FAM193A: variants seen among roughly 807,000 people sequenced by gnomAD.
FAM193A encodes family with sequence similarity 193 member A, also known as protein FAM193A.
FAM193A carries 22 observed loss-of-function variants against 126.5 expected under a neutral mutation model. The observed-to-expected ratio is 0.17, with a 90% CI of 0.12 to 0.25. The LOEUF is 0.25. Ranked by LOEUF, FAM193A falls within the 10% of genes least tolerant of loss-of-function variation. The probability of loss-of-function intolerance (pLI) is 1.00; values close to 1 mark genes in which losing one functional copy is unlikely to be tolerated. For missense variants in FAM193A, 1,675 were observed against 1,672.8 expected (o/e 1.00, Z -0.02); for synonymous variants, 761 against 646.8 (o/e 1.18, Z -2.68).
chr4:2,587,588 A>C (rs930451858), intron 1 of FAM193A, among the ~76,000 whole-genome samples: 3 of 152,236 alleles, frequency 2.0e-5, no homozygotes, highest in Non-Finnish European at 4.4e-5. Context: ...GCTACTTGGC[A>C]GACTGAGGCA....
At position 2,731,727 on chromosome 4, in the gene FAM193A, G is replaced by A. The variant is rs4690051; in HGVS notation, c.4455-48G>A. On this transcript the variant is annotated intron_variant, in intron 20 of 20. Transcript: ENST00000637812. The stretch of plus-strand genomic sequence containing the variant: ...ATGGGCTTTGCCAAGCACCAGCTTG[G>A]TTGTGGGCTGTTTCCTTCAGTGACT... 7.7e-3 allele frequency: 11,174 copies of A among 1,449,200 alleles called. 806 individuals carry two copies. In the Admixed American group the frequency reaches 0.15, roughly 19 times the overall value. The allele number at this position is 1,449,200 out of a possible 1,614,324, so 89.8% of individuals were successfully genotyped here.
intron 1 of FAM193A, among the ~76,000 whole-genome samples, chr4:2,572,285 C>A (rs1193509940): frequency 6.7e-6 from 1 of 149,758 alleles, no homozygotes; most frequent in Non-Finnish European, 1.5e-5. Context: ...GCCAAGATCG[C>A]GCCACTGGAC....
chr4:2,708,442 T>C (rs1309563231), intron 19 of FAM193A, among the ~76,000 whole-genome samples: 15 of 151,898 alleles, frequency 9.9e-5, no homozygotes, highest in Non-Finnish European at 1.5e-5. Context: ...AACTTTATTT[T>C]TTTATTTTTT....
At chr4:2,731,473 A>T (rs539878982) in intron 20 of FAM193A, among the ~76,000 whole-genome samples, 4 of 151,980 alleles carry the variant, frequency 2.6e-5, no homozygotes, top group African/African-American at 9.7e-5. Context: ...GGTATGAGCC[A>T]CCACACCCTG....
intron 2 of FAM193A, 100 bp downstream of exon 2, chr4:2,596,429 G>A (rs1042631633): frequency 3.4e-5 from 22 of 642,018 alleles, no homozygotes; most frequent in Non-Finnish European, 5.9e-5. Context: ...TTTGCTTCAG[G>A]GGGCACTCCC....
intron 20 of FAM193A, among the ~76,000 whole-genome samples, chr4:2,717,590 T>C (rs1719682140): frequency 7.3e-6 from 1 of 136,140 alleles, no homozygotes; most frequent in South Asian, 2.6e-4. Flanking sequence ...AGAGAGACTT[T>C]GTCTCAGGAA....
intron 19 of FAM193A, among the ~76,000 whole-genome samples, chr4:2,712,336 A>G (rs1004584338): frequency 6.6e-6 from 1 of 151,922 alleles, no homozygotes; most frequent in African/African-American, 2.4e-5. Flanking sequence ...CTTATTATTA[A>G]TATGTTTCTG....
chr4:2,716,014 G>T lies in FAM193A; in HGVS notation c.4373-9G>T. 2.0e-6 allele frequency: 3 copies of T among 1,533,524 alleles called. No individual in the cohort carries two copies. The highest frequency in any genetic ancestry group is 2.7e-6 in the Non-Finnish European group (3 of 1,106,372). The allele number at this position is 1,533,524 out of a possible 1,614,324, so 95.0% of individuals were successfully genotyped here. A position where few individuals can be genotyped will look rare whatever the true frequency, so the allele number is the denominator to read the frequency against. On this transcript the variant is annotated splice_polypyrimidine_tract_variant and intron_variant, in intron 19 of 20. Coordinates refer to ENST00000637812, the MANE Select transcript of FAM193A (RefSeq NM_001366318.2). ...TAATTTGACTTGCTGCTTCTCTTTT[G>T]TTTTACAGATGATGTCTTTCTACCT...
chr4:2,549,339 T>C (rs1041071294), intron 1 of FAM193A, among the ~76,000 whole-genome samples: 1 of 151,686 alleles, frequency 6.6e-6, no homozygotes, highest in Admixed American at 6.6e-5. Context: ...ATTTCTAAGA[T>C]CTCCATTTTA....
chr4:2,620,596 C>T (rs892701646), intron 2 of FAM193A, among the ~76,000 whole-genome samples: 1 of 151,998 alleles, frequency 6.6e-6, no homozygotes, highest in African/African-American at 2.4e-5. Flanking sequence ...GCCTGTAATC[C>T]AGCACTCTGG....
At chr4:2,686,151 C>T (rs901269739) in intron 13 of FAM193A, among the ~76,000 whole-genome samples, 2 of 152,194 alleles carry the variant, frequency 1.3e-5, no homozygotes, top group African/African-American at 2.4e-5. Context: ...TCTGCAAAAG[C>T]ATTAAAGAAA....
rs5855745 is a variant in FAM193A, at chr4:2,552,847, C to CTTTT, written c.255+15694_255+15697dup. 1.1e-3 allele frequency among the ~76,000 whole-genome samples: 126 copies of CTTTT among 119,348 alleles called. 2 individuals are homozygous for CTTTT. The highest frequency in any genetic ancestry group is 3.5e-3 in the African/African-American group (108 of 30,478). The allele number at this position is 119,348 out of a possible 152,430, so 78.3% of individuals were successfully genotyped here. A position where few individuals can be genotyped will look rare whatever the true frequency, so the allele number is the denominator to read the frequency against. ...CCACCGCGCCCGGCCACAGAACTTTCTTTTTTTTTTTTTTTTTTTTGAGAC... is the reference window on the plus strand; with the variant it reads ...CCACCGCGCCCGGCCACAGAACTTTCTTTTTTTTTTTTTTTTTTTTTTTTGAGAC... On this transcript the variant is annotated intron_variant, in intron 1 of 20. Coordinates refer to ENST00000637812, the MANE Select transcript of FAM193A (RefSeq NM_001366318.2).
At chr4:2,584,208 C>A (rs1368392119) in intron 1 of FAM193A, among the ~76,000 whole-genome samples, 2 of 152,108 alleles carry the variant, frequency 1.3e-5, no homozygotes, top group East Asian at 3.8e-4. Flanking sequence ...ATTGAGAGAT[C>A]TCTCCCTATG....
chr4:2,708,006 T>G (rs1327839129), intron 19 of FAM193A: 1 of 288,240 alleles, frequency 3.5e-6, no homozygotes, highest in Non-Finnish European at 7.2e-6. Flanking sequence ...TGCCTTAGCC[T>G]CCCAAAGTGC....
chr4:2,606,892 A>G (rs1488426634), intron 2 of FAM193A, among the ~76,000 whole-genome samples: 1 of 152,220 alleles, frequency 6.6e-6, no homozygotes, highest in Non-Finnish European at 1.5e-5. Context: ...TGATTATGAG[A>G]AAAGCTCAGA....
At position 2,728,896 on chromosome 4, in the gene FAM193A, C is replaced by CTTTTTTTTTTTT. The variant is rs34029424; in HGVS notation, c.4455-2864_4455-2853dup. 1.8e-4 allele frequency among the ~76,000 whole-genome samples: 17 copies of CTTTTTTTTTTTT among 97,142 alleles called. 1 individual carries two copies. Among genetic ancestry groups the CTTTTTTTTTTTT allele is most frequent in the African/African-American group, 7.3e-4 (14 of 19,298 alleles). 63.7% of individuals were successfully genotyped at this position (97,142 alleles called of 152,430 possible). ...AAGCAAATATGTTCCACCTCCAAAA[C>CTTTTTTTTTTTT]TTTTTTTTTTTTTTTTTTTTTTTTT... On this transcript the variant is annotated intron_variant, in intron 20 of 20. Coordinates refer to ENST00000637812, the MANE Select transcript of FAM193A (RefSeq NM_001366318.2).
chr4:2,603,812 G>A (rs1032240582), intron 2 of FAM193A, among the ~76,000 whole-genome samples: 9 of 151,578 alleles, frequency 5.9e-5, no homozygotes, highest in South Asian at 2.1e-4. Flanking sequence ...TTAGAAGTAC[G>A]TGTAAGTATC....
intron 20 of FAM193A, 38 bp downstream of exon 20, chr4:2,716,142 T>C (rs1343759833): frequency 6.1e-6 from 8 of 1,310,382 alleles, no homozygotes; most frequent in Non-Finnish European, 8.9e-6. Flanking sequence ...GTGGTGACTG[T>C]GTGCTTGCCA....
chr4:2,634,706 GC>G (rs1453996058), intron 5 of FAM193A, among the ~76,000 whole-genome samples: 7 of 152,178 alleles, frequency 4.6e-5, no homozygotes, highest in African/African-American at 9.7e-5. Context: ...CTAGTGTTCA[GC>G]AAGGAAACGT....
Sources: gnomAD v4.1 joint callset for allele counts (sites outside exome capture counted in the v4.1 genomes callset) on GRCh38, gnomAD v4.1.1 for gene constraint, MANE v1.5 for transcripts, NCBI Gene and HGNC (gene_info 2026-07-23, HGNC 2026-07-21) for gene names.